DDAH1: variants seen among roughly 807,000 people sequenced by gnomAD.
DDAH1 encodes N(G),N(G)-dimethylarginine dimethylaminohydrolase 1.
DDAH1 carries 19 observed loss-of-function variants against 28.8 expected under a neutral mutation model. The observed-to-expected ratio is 0.66, with a 90% CI of 0.46 to 0.97. DDAH1 has a LOEUF of 0.97. Among genes scored for constraint, DDAH1 ranks in the 50% least tolerant of loss-of-function variants. The pLI is 0.00. For synonymous variants in DDAH1, 153 were observed against 154.4 expected (o/e 0.99, Z 0.07); for missense variants, 326 against 375.9 (o/e 0.87, Z 1.10).
At chr1:85,437,690 A>G (rs1018276794) in intron 1 of DDAH1, among the ~76,000 whole-genome samples, 1 of 152,224 alleles carries the variant, frequency 6.6e-6, no homozygotes, top group African/African-American at 2.4e-5. Context: ...GGGGGAGTCA[A>G]AAGTTATATG....
intron 1 of DDAH1, among the ~76,000 whole-genome samples, chr1:85,454,537 G>A (rs907223392): frequency 3.3e-5 from 5 of 152,280 alleles, no homozygotes; most frequent in African/African-American, 4.8e-5. Context: ...AGTTGAAAGG[G>A]GATGCGGTCG....
chr1:85,321,509 C>CT lies in DDAH1; in HGVS notation c.800dup (p.Val268GlyfsTer13). On this transcript the variant is annotated frameshift_variant, in exon 6 of 6. Transcript: ENST00000284031. LOFTEE classifies it high-confidence loss of function. ...AGCAGCAGGTGAGCAGCCCATCCAC[C>CT]TTTTCCAGTTCAGACATGCTCACGG... 6.2e-7 allele frequency: 1 copy of CT among 1,614,164 alleles called. No homozygotes were observed. Among genetic ancestry groups the CT allele is most frequent in the Non-Finnish European group, 8.5e-7 (1 of 1,180,006 alleles).
At chr1:85,334,289 G>A (rs1265022991) in intron 4 of DDAH1, among the ~76,000 whole-genome samples, 1 of 151,916 alleles carries the variant, frequency 6.6e-6, no homozygotes, top group Non-Finnish European at 1.5e-5. Flanking sequence ...TTTCAGGACT[G>A]TAAGTCAATT....
At chr1:85,366,799 T>C (rs538609018) in intron 1 of DDAH1, among the ~76,000 whole-genome samples, 1 of 152,310 alleles carries the variant, frequency 6.6e-6, no homozygotes, top group Admixed American at 6.5e-5. Context: ...AAGATTCCAA[T>C]GCAGTGGGAA....
chr1:85,412,566 A>G (rs1201915851), intron 1 of DDAH1, among the ~76,000 whole-genome samples: 1 of 151,992 alleles, frequency 6.6e-6, no homozygotes, highest in Admixed American at 6.6e-5. Context: ...TTTCCCCCTA[A>G]TCCCACCTCT....
chr1:85,465,171 A>G (rs1474536033), upstream of DDAH1: 2 of 1,145,218 alleles, frequency 1.7e-6, no homozygotes, highest in Non-Finnish European at 2.1e-6. Flanking sequence ...GTGCAGAAGG[A>G]GCCCAGCTCG....
At chr1:85,504,788 T>C (rs12038395) in intron 1 of DDAH1, among the ~76,000 whole-genome samples, 10,714 of 152,004 alleles carry the variant, frequency 0.07, 427 homozygotes, top group East Asian at 0.11. Context: ...CCCAAGCTTA[T>C]AAGGATGATG....
At chr1:85,547,879 G>A (rs2100791828) in intron 1 of DDAH1, among the ~76,000 whole-genome samples, 1 of 152,248 alleles carries the variant, frequency 6.6e-6, no homozygotes, top group South Asian at 2.1e-4. Context: ...TTAAACACAG[G>A]AATAACAGAA....
chr1:85,474,853 T>G (rs1655740264), intron 2 of DDAH1, among the ~76,000 whole-genome samples: 1 of 152,182 alleles, frequency 6.6e-6, no homozygotes, highest in Admixed American at 6.5e-5. Flanking sequence ...ATGATTCTGT[T>G]GCTCCCAATG....
intron 1 of DDAH1, among the ~76,000 whole-genome samples, chr1:85,529,281 A>C (rs1433696935): frequency 6.6e-6 from 1 of 152,204 alleles, no homozygotes; most frequent in Non-Finnish European, 1.5e-5. Context: ...CATGTATTCC[A>C]ACTTAACACG....
intron 1 of DDAH1, among the ~76,000 whole-genome samples, chr1:85,419,954 T>G (rs996022852): frequency 6.6e-6 from 1 of 152,190 alleles, no homozygotes; most frequent in African/African-American, 2.4e-5. Context: ...GGGCTTATCA[T>G]TTTTTGGAGA....
intron 1 of DDAH1, among the ~76,000 whole-genome samples, chr1:85,426,700 C>G (rs2389948): frequency 0.82 from 124,579 of 151,992 alleles, 51,193 homozygotes; most frequent in Middle Eastern, 0.9. Context: ...TTGAGTCCAA[C>G]AGTTCGAGAC....
chr1:85,476,480 C>A (rs1655809555), intron 2 of DDAH1, among the ~76,000 whole-genome samples: 1 of 152,086 alleles, frequency 6.6e-6, no homozygotes, highest in South Asian at 2.1e-4. Context: ...GTTGTTCAGC[C>A]TGACCCCCAG....
At chr1:85,398,320 A>G (rs1487463326) in intron 1 of DDAH1, 1 of 152,238 alleles carries the variant, frequency 6.6e-6, no homozygotes, top group African/African-American at 2.4e-5. Flanking sequence ...GACGAAACTT[A>G]TTTTGCAAAC....
intron 1 of DDAH1, among the ~76,000 whole-genome samples, chr1:85,395,036 C>T (rs1651742167): frequency 6.6e-6 from 1 of 152,000 alleles, no homozygotes; most frequent in Admixed American, 6.6e-5. Flanking sequence ...ATATGTAATT[C>T]TATATGCAAA....
chr1:85,508,977 G>C (rs1046997111), intron 1 of DDAH1, among the ~76,000 whole-genome samples: 5 of 152,250 alleles, frequency 3.3e-5, no homozygotes, highest in Non-Finnish European at 7.3e-5. Flanking sequence ...GGTGCTCCCA[G>C]CCAGGCGTTT....
At chr1:85,552,987 G>A (rs1393990215) in intron 1 of DDAH1, among the ~76,000 whole-genome samples, 1 of 152,078 alleles carries the variant, frequency 6.6e-6, no homozygotes, top group Non-Finnish European at 1.5e-5. Flanking sequence ...AAAAAAAAGA[G>A]GGCTTCCTCC....
chr1:85,440,070 CT>C (rs1447077802), intron 1 of DDAH1, among the ~76,000 whole-genome samples: 1 of 152,044 alleles, frequency 6.6e-6, no homozygotes, highest in Admixed American at 6.6e-5. Context: ...CTGACATGGG[CT>C]TTAAAAGCCT....
rs1380634971 is a variant in DDAH1, at chr1:85,382,211, AC to A, written c.304-23365del. The stretch of plus-strand genomic sequence containing the variant: ...AATTAAAAGTGCCACTCTAGTGAAC[AC>A]ACGACTAATAAGAAAGTAAAACAGC... On this transcript the variant is annotated intron_variant, in intron 1 of 5. Transcript: ENST00000284031. 2.0e-5 allele frequency among the ~76,000 whole-genome samples: 3 copies of A among 152,264 alleles called. No homozygotes were observed. The East Asian group carries it at 5.8e-4, about 29-fold the overall frequency.
Sources: allele counts gnomAD v4.1 joint callset (sites outside exome capture counted in the v4.1 genomes callset), GRCh38; gene constraint gnomAD v4.1.1; transcripts MANE v1.5; gene names NCBI Gene and HGNC (gene_info 2026-07-23, HGNC 2026-07-21).